SGK1: variants seen among roughly 807,000 people sequenced by gnomAD.
The protein encoded by SGK1 is serine/threonine-protein kinase Sgk1.
In SGK1, 26 loss-of-function variants were observed where a neutral mutation model predicts 64.2. That is an observed-to-expected ratio of 0.40 (90% confidence interval 0.30 to 0.56). The LOEUF (loss-of-function observed/expected upper bound fraction) is 0.56. Ranked by LOEUF, SGK1 falls within the 20% of genes least tolerant of loss-of-function variation. The pLI, the probability that SGK1 is intolerant of heterozygous loss-of-function variation, is 0.38. For missense variants in SGK1, 519 were observed against 645.6 expected (o/e 0.80, Z 2.12); for synonymous variants, 265 against 239.7 (o/e 1.11, Z -0.98).
chr6:134,292,274 T>C (rs1235095286), intron 1 of SGK1, among the ~76,000 whole-genome samples: 1 of 152,176 alleles, frequency 6.6e-6, no homozygotes, highest in Non-Finnish European at 1.5e-5. Context: ...TTCATTACTC[T>C]GCACAAATGG....
chr6:134,191,835 A>ATGTTTTTTTTTTT (rs1775516536), intron 3 of SGK1, among the ~76,000 whole-genome samples: 3 of 61,204 alleles, frequency 4.9e-5, no homozygotes, highest in African/African-American at 1.3e-4. Context: ...CGCCCGGCTG[A>ATGTTTTTTTTTTT]TTTTTTTTTT....
intron 2 of SGK1, among the ~76,000 whole-genome samples, chr6:134,208,750 A>G (rs897570565): frequency 1.1e-5 from 1 of 94,758 alleles, no homozygotes; most frequent in Non-Finnish European, 2.7e-5. Flanking sequence ...GTATGCGTAT[A>G]TATATATATA....
intron 1 of SGK1, among the ~76,000 whole-genome samples, chr6:134,278,716 A>G (rs1777051917): frequency 6.6e-6 from 1 of 152,180 alleles, no homozygotes; most frequent in Non-Finnish European, 1.5e-5. Flanking sequence ...TCTATGAAGT[A>G]CCTATTATGT....
chr6:134,174,837 G>T (rs78369215), intron 3 of SGK1: 15 of 1,613,678 alleles, frequency 9.3e-6, no homozygotes, highest in African/African-American at 2.7e-5. Flanking sequence ...AAAGACGTTA[G>T]CGCTCAAAGA....
intron 1 of SGK1, among the ~76,000 whole-genome samples, chr6:134,269,902 C>T (rs1474393540): frequency 6.8e-6 from 1 of 147,520 alleles, no homozygotes; most frequent in African/African-American, 2.4e-5. Context: ...ATGTCATCAT[C>T]ATGTATCTGT....
intron 2 of SGK1, chr6:134,260,372 C>A (rs1341228718): frequency 9.4e-6 from 1 of 105,876 alleles, no homozygotes; most frequent in Non-Finnish European, 2.1e-5. Context: ...TCCCCGACCC[C>A]CACCCCCCCC....
intron 3 of SGK1, among the ~76,000 whole-genome samples, chr6:134,204,649 G>A (rs113177503): frequency 0.022 from 3,365 of 151,420 alleles, 118 homozygotes; most frequent in African/African-American, 0.076. Flanking sequence ...TGCTTCCTGG[G>A]TTCAAGTGAT....
intron 3 of SGK1, 78 bp from the exon 4 acceptor site, chr6:134,174,664 C>A (rs985384602): frequency 1.2e-6 from 2 of 1,609,238 alleles, no homozygotes; most frequent in African/African-American, 2.7e-5. Context: ...TAATCTGATC[C>A]GGGACTTTCA....
intron 6 of SGK1, 40 bp downstream of exon 6, chr6:134,173,422 T>C (rs1391266813): frequency 6.3e-7 from 1 of 1,578,824 alleles, no homozygotes; most frequent in Non-Finnish European, 8.7e-7. Context: ...AAAGAGGACA[T>C]GAAGGAAGTG....
intron 2 of SGK1, among the ~76,000 whole-genome samples, chr6:134,217,111 C>T (rs1214774164): frequency 6.6e-6 from 1 of 152,158 alleles, no homozygotes; most frequent in East Asian, 1.9e-4. Context: ...GCTATAACAA[C>T]AGGGAGTTGA....
At chr6:134,237,270 TGG>T (rs1194774873) in intron 2 of SGK1, among the ~76,000 whole-genome samples, 3 of 152,042 alleles carry the variant, frequency 2.0e-5, no homozygotes, top group Middle Eastern at 3.4e-3. Flanking sequence ...TTGCCCAGGC[TGG>T]TCTCAAACTC....
At chr6:134,202,494 A>G (rs1166759641) in intron 3 of SGK1, among the ~76,000 whole-genome samples, 1 of 151,932 alleles carries the variant, frequency 6.6e-6, no homozygotes, top group Non-Finnish European at 1.5e-5. Flanking sequence ...AAATACAATT[A>G]GCCAGGCATG....
intron 3 of SGK1, among the ~76,000 whole-genome samples, chr6:134,205,883 CTTAA>C: frequency 6.6e-6 from 1 of 152,308 alleles, no homozygotes; most frequent in East Asian, 1.9e-4. Context: ...TTATCACTCT[CTTAA>C]TTGTTTTAGC....
chr6:134,264,601 T>C (rs1267870214), intron 1 of SGK1, among the ~76,000 whole-genome samples: 2 of 152,208 alleles, frequency 1.3e-5, no homozygotes, highest in Non-Finnish European at 2.9e-5. Flanking sequence ...AAAATCACAG[T>C]ACTGAATTTT....
intron 3 of SGK1, chr6:134,175,415 C>G: frequency 7.6e-7 from 1 of 1,308,910 alleles, no homozygotes. Flanking sequence ...CGCGACCTCG[C>G]CCGCCAGGTC....
At chr6:134,317,349 A>G in intron 1 of SGK1, 43 bp downstream of exon 1, 2 of 1,209,264 alleles carry the variant, frequency 1.7e-6, no homozygotes, top group South Asian at 1.2e-5. Context: ...AGCATTTAAG[A>G]GAAGCACAGA....
intron 2 of SGK1, among the ~76,000 whole-genome samples, chr6:134,236,809 G>T (rs188789891): frequency 2.0e-5 from 3 of 151,014 alleles, no homozygotes; most frequent in Non-Finnish European, 2.9e-5. Flanking sequence ...GAAATGGTTT[G>T]CTACCTGTTG....
chr6:134,207,499 T>C (rs1331020854), intron 2 of SGK1, 68 bp from the exon 3 acceptor site: 10 of 1,075,180 alleles, frequency 9.3e-6, no homozygotes, highest in East Asian at 4.9e-5. Flanking sequence ...TTTAGGCTTA[T>C]AGTTCTAGAG....
intron 1 of SGK1, chr6:134,298,650 C>T: frequency 1.5e-6 from 2 of 1,337,858 alleles, no homozygotes; most frequent in Non-Finnish European, 2.1e-6. Flanking sequence ...GGCCCGGGGG[C>T]CAGAGATGGA....
Sources: gnomAD v4.1 joint callset for allele counts (sites outside exome capture counted in the v4.1 genomes callset) on GRCh38, gnomAD v4.1.1 for gene constraint, MANE v1.5 for transcripts, NCBI Gene and HGNC (gene_info 2026-07-23, HGNC 2026-07-21) for gene names.